THADA: variants seen among roughly 807,000 people sequenced by gnomAD.
The protein encoded by THADA is THADA armadillo repeat containing.
THADA carries 213 observed loss-of-function variants against 219.8 expected under a neutral mutation model. The observed-to-expected ratio is 0.97, with a 90% CI of 0.87 to 1.09. The LOEUF (loss-of-function observed/expected upper bound fraction) is 1.09. Ranked by LOEUF, THADA falls within the 50% of genes least tolerant of loss-of-function variation. The pLI is 0.00. For missense variants in THADA, 2,956 were observed against 2,311.3 expected, an observed-to-expected ratio of 1.28 and a Z score of -5.72; for synonymous variants, 1,018 against 828.9, an observed-to-expected ratio of 1.23 and a Z score of -3.92.
chr2:43,588,920 G>T (rs917234109), intron 4 of THADA, among the ~76,000 whole-genome samples: 1 of 152,056 alleles, frequency 6.6e-6, no homozygotes, highest in African/African-American at 2.4e-5. Flanking sequence ...TATAAATCAT[G>T]TAATATGTAC....
At position 43,297,449 on chromosome 2, in the gene THADA, G is replaced by GT. The variant is rs929183698; in HGVS notation, c.4439-4237_4439-4236insA. On this transcript the variant is annotated intron_variant, in intron 31 of 37. Transcript: ENST00000405975. ...AGCCACCCCGTCCGGGAGGGAGGTG[G>GT]GGGGGGGTCAGCCCCCCGCCCGGCC... Among the ~76,000 whole-genome samples, 3 of 102,852 alleles carry GT rather than the reference G, an allele frequency of 2.9e-5. 1 individual carries two copies. Among genetic ancestry groups the GT allele is most frequent in the Non-Finnish European group, 5.7e-5 (3 of 52,622 alleles). 67.5% of individuals were successfully genotyped at this position (102,852 alleles called of 152,430 possible).
chr2:43,422,372 C>T (rs530614621), intron 28 of THADA, among the ~76,000 whole-genome samples: 43 of 152,298 alleles, frequency 2.8e-4, no homozygotes, highest in African/African-American at 9.4e-4. Flanking sequence ...GTTTCCTCCT[C>T]ATCTTGGTCA....
chr2:43,324,754 A>G (rs73923570), intron 30 of THADA, among the ~76,000 whole-genome samples: 5,339 of 152,290 alleles, frequency 0.035, 304 homozygotes, highest in African/African-American at 0.12. Context: ...TGGGAACAAA[A>G]TCCCGAAGAG....
rs1278701488 is a variant in THADA at position 43,236,799 on chromosome 2, C to T, written c.5297-3917G>A. On this transcript the variant is annotated intron_variant, in intron 36 of 37. Transcript: ENST00000405975. ...AGCGTGGGCCGGGCACGGTGGCTCA[C>T]GCCTGTAATCCCAGCACTTTGGAAG... is the stretch of plus-strand genomic sequence containing the variant. 3.3e-5 allele frequency among the ~76,000 whole-genome samples: 5 copies of T among 151,860 alleles called. No individual in the cohort carries two copies. In the East Asian group the frequency reaches 5.8e-4, roughly 18 times the overall value.
At chr2:43,366,057 A>G (rs1486448861) in intron 29 of THADA, among the ~76,000 whole-genome samples, 2 of 152,218 alleles carry the variant, frequency 1.3e-5, no homozygotes, top group East Asian at 3.8e-4. Flanking sequence ...TAGAGATACT[A>G]AAGAGACAGT....
chr2:43,355,842 T>G (rs1235218115), intron 29 of THADA, among the ~76,000 whole-genome samples: 1 of 152,166 alleles, frequency 6.6e-6, no homozygotes, highest in African/African-American at 2.4e-5. Flanking sequence ...AGCCATCGAT[T>G]GATAATGTTT....
intron 26 of THADA, among the ~76,000 whole-genome samples, chr2:43,467,877 T>C (rs1430822061): frequency 8.5e-5 from 13 of 152,196 alleles, no homozygotes; most frequent in Admixed American, 8.5e-4. Flanking sequence ...CCCTACAAAC[T>C]ATGAACAGCT....
chr2:43,335,131 C>T (rs144785748), intron 30 of THADA, among the ~76,000 whole-genome samples: 295 of 152,260 alleles, frequency 1.9e-3, no homozygotes, highest in African/African-American at 6.9e-3. Context: ...ATCTCAGGCT[C>T]CACCCAGACC....
intron 31 of THADA, among the ~76,000 whole-genome samples, chr2:43,318,160 C>T (rs1678289158): frequency 6.6e-6 from 1 of 152,054 alleles, no homozygotes; most frequent in South Asian, 2.1e-4. Flanking sequence ...CTGTCTCAGC[C>T]TCCCAAGTAC....
chr2:43,473,230 C>T (rs1685122760), intron 26 of THADA, among the ~76,000 whole-genome samples: 1 of 152,132 alleles, frequency 6.6e-6, no homozygotes, highest in African/African-American at 2.4e-5. Flanking sequence ...CATTTCCTTT[C>T]TTTATACACT....
At chr2:43,369,118 C>T (rs1670509396) in intron 29 of THADA, among the ~76,000 whole-genome samples, 2 of 152,198 alleles carry the variant, frequency 1.3e-5, no homozygotes, top group Non-Finnish European at 2.9e-5. Flanking sequence ...ACTTCATGCC[C>T]CTTGATCTTG....
chr2:43,273,163 C>T (rs142283165), intron 36 of THADA, among the ~76,000 whole-genome samples: 1,655 of 151,858 alleles, frequency 0.011, 21 homozygotes, highest in African/African-American at 0.038. Flanking sequence ...GCAGGACAAT[C>T]GCTTGAACCC....
chr2:43,393,320 T>A (rs1331084414), intron 29 of THADA, among the ~76,000 whole-genome samples: 1 of 152,222 alleles, frequency 6.6e-6, no homozygotes, highest in Non-Finnish European at 1.5e-5. Flanking sequence ...TTTAGATGGA[T>A]CCTTGGTTTA....
intron 13 of THADA, 147 bp downstream of exon 13, chr2:43,571,560 A>G: frequency 2.9e-6 from 2 of 679,024 alleles, no homozygotes; most frequent in East Asian, 2.6e-5. Context: ...GAATGAGAGA[A>G]CAGGTCACAG....
chr2:43,344,243 C>T lies in THADA; in HGVS notation c.4228-6G>A. 6.4e-7 allele frequency: 1 copy of T among 1,572,336 alleles called. No homozygotes were observed. ...GCTTGCAACAAATGAAAAACCTAAA[C>T]CAAAAAAGAAAAAAAAATCCTGCTG... On this transcript the variant is annotated splice_polypyrimidine_tract_variant and splice_region_variant and intron_variant, in intron 29 of 37. Transcript: ENST00000405975.
chr2:43,488,632 G>A (rs1038316146), intron 25 of THADA, among the ~76,000 whole-genome samples: 1 of 152,034 alleles, frequency 6.6e-6, no homozygotes, highest in Non-Finnish European at 1.5e-5. Flanking sequence ...GAATAATTTT[G>A]CTAAGAATAT....
At chr2:43,564,633 G>T (rs1368503488) in intron 15 of THADA, 6 of 152,178 alleles carry the variant, frequency 3.9e-5, no homozygotes, top group Non-Finnish European at 7.3e-5. Flanking sequence ...CTAAAGATTT[G>T]ATGTGGATGT....
chr2:43,326,147 CTTG>C (rs939333108), intron 30 of THADA, among the ~76,000 whole-genome samples: 1 of 133,340 alleles, frequency 7.5e-6, no homozygotes, highest in Non-Finnish European at 1.6e-5. Flanking sequence ...AAAGCTGTTT[CTTG>C]TTGTCAATGT....
chr2:43,254,880 G>A (rs1034341043), intron 36 of THADA, among the ~76,000 whole-genome samples: 1 of 152,068 alleles, frequency 6.6e-6, no homozygotes, highest in Non-Finnish European at 1.5e-5. Flanking sequence ...TCCCCCCACT[G>A]GTCTACATCC....
Sources: gnomAD v4.1 joint callset for allele counts (sites outside exome capture counted in the v4.1 genomes callset) on GRCh38, gnomAD v4.1.1 for gene constraint, MANE v1.5 for transcripts, NCBI Gene and HGNC (gene_info 2026-07-23, HGNC 2026-07-21) for gene names.